TMEM132B: variants seen among roughly 807,000 people sequenced by gnomAD.
TMEM132B encodes transmembrane protein 132B.
Under a neutral mutation model 90.8 loss-of-function variants are expected in TMEM132B, and 18 were observed. The ratio of observed to expected loss-of-function variants is 0.20; its 90% CI spans 0.14 to 0.29. TMEM132B has a LOEUF of 0.29. TMEM132B is among the 10% of genes least tolerant of loss of function. The pLI is 1.00. For missense variants in TMEM132B, 1,096 were observed against 1,326.8 expected (o/e 0.83, Z 2.70); for synonymous variants, 504 against 523.3 (o/e 0.96, Z 0.50).
At chr12:125,438,934 T>C (rs1006119347) in intron 3 of TMEM132B, among the ~76,000 whole-genome samples, 7 of 152,228 alleles carry the variant, frequency 4.6e-5, no homozygotes, top group Non-Finnish European at 1.0e-4. Context: ...TATTCCATGA[T>C]ACAGACATTC....
At chr12:125,220,753 A>G (rs1368461740) in intron 1 of TMEM132B, among the ~76,000 whole-genome samples, 1 of 152,174 alleles carries the variant, frequency 6.6e-6, no homozygotes, top group African/African-American at 2.4e-5. Context: ...TGTTTCCCAG[A>G]TCGTAGGAGC....
chr12:125,286,892 G>A (rs1875372183), intron 1 of TMEM132B, among the ~76,000 whole-genome samples: 1 of 152,046 alleles, frequency 6.6e-6, no homozygotes, highest in South Asian at 2.1e-4. Context: ...TAGTAGAGAC[G>A]AGGTTTCACC....
intron 1 of TMEM132B, among the ~76,000 whole-genome samples, chr12:125,334,817 ATT>A (rs1876903312): frequency 6.6e-6 from 1 of 152,258 alleles, no homozygotes; most frequent in East Asian, 1.9e-4. Flanking sequence ...CGACCGTCTC[ATT>A]AGACTTCACT....
chr12:125,294,438 A>G (rs779404196), intron 1 of TMEM132B, among the ~76,000 whole-genome samples: 40 of 152,288 alleles, frequency 2.6e-4, no homozygotes, highest in Non-Finnish European at 4.0e-4. Context: ...TGGATTAAAC[A>G]TTATGCATGG....
chr12:125,542,637 T>G (rs1592983995), intron 4 of TMEM132B, among the ~76,000 whole-genome samples: 1 of 152,218 alleles, frequency 6.6e-6, no homozygotes, highest in African/African-American at 2.4e-5. Context: ...TCAAGGCTCA[T>G]CCATGTAGCA....
rs1873266662 is a variant in TMEM132B at position 125,209,419 on chromosome 12, A to G, written c.67+22553A>G. ...CAGCAGAGTGGCTGGTCACTGGGACAGTGCTCGACTGGGGGAAGGGGTTTG... is the reference window on the plus strand; with the variant it reads ...CAGCAGAGTGGCTGGTCACTGGGACGGTGCTCGACTGGGGGAAGGGGTTTG... On this transcript the variant is annotated intron_variant, in intron 1 of 8. Transcript: ENST00000682704. This position sits in a 1 kb window ranked among gnomAD's most constrained non-coding sequence, Gnocchi z 4.4. Among the ~76,000 whole-genome samples, 1 of 152,202 alleles carries G rather than the reference A, an allele frequency of 6.6e-6. No homozygotes were observed. Among genetic ancestry groups the G allele is most frequent in the Non-Finnish European group, 1.5e-5 (1 of 68,026 alleles).
At chr12:125,307,485 G>A (rs547535894) in intron 1 of TMEM132B, among the ~76,000 whole-genome samples, 4 of 152,202 alleles carry the variant, frequency 2.6e-5, no homozygotes, top group South Asian at 4.2e-4. Flanking sequence ...TCTTAGGACC[G>A]TTGTTGGATT....
At chr12:125,345,532 T>G (rs899754245) in intron 1 of TMEM132B, among the ~76,000 whole-genome samples, 1 of 152,184 alleles carries the variant, frequency 6.6e-6, no homozygotes, top group Non-Finnish European at 1.5e-5. Flanking sequence ...TGTGAGTTGC[T>G]TCATTCTAGG....
chr12:125,193,550 C>G (rs7132026), intron 1 of TMEM132B, among the ~76,000 whole-genome samples: 1 of 152,044 alleles, frequency 6.6e-6, no homozygotes, highest in Non-Finnish European at 1.5e-5. Context: ...AGTGACTGTG[C>G]GATCCAGGAA....
chr12:125,284,988 C>G (rs1410961078), intron 1 of TMEM132B, among the ~76,000 whole-genome samples: 1 of 152,194 alleles, frequency 6.6e-6, no homozygotes, highest in Admixed American at 6.5e-5. Flanking sequence ...AAAACACACC[C>G]AAATCCTGGC....
At chr12:125,648,119 G>A (rs1340406488) in intron 6 of TMEM132B, among the ~76,000 whole-genome samples, 1 of 133,110 alleles carries the variant, frequency 7.5e-6, no homozygotes, top group African/African-American at 2.9e-5. Flanking sequence ...TGATCTCATT[G>A]TTCAATTCCC....
chr12:125,548,108 C>G (rs1315456233), intron 4 of TMEM132B, among the ~76,000 whole-genome samples: 3 of 152,152 alleles, frequency 2.0e-5, no homozygotes, highest in African/African-American at 7.2e-5. Flanking sequence ...AGGTCTGCCC[C>G]CACCAAAGGC....
chr12:125,289,741 C>T (rs1414686176), intron 1 of TMEM132B, among the ~76,000 whole-genome samples: 1 of 152,218 alleles, frequency 6.6e-6, no homozygotes, highest in Admixed American at 6.5e-5. Context: ...CATCAAGTCA[C>T]TTGACTGAGG....
chr12:125,275,501 C>A (rs1173393535), intron 1 of TMEM132B, among the ~76,000 whole-genome samples: 2 of 152,140 alleles, frequency 1.3e-5, no homozygotes, highest in African/African-American at 4.8e-5. Flanking sequence ...TGAGAGTGAT[C>A]TGATGTGGCT....
chr12:125,394,312 G>A (rs1193036350), intron 2 of TMEM132B, among the ~76,000 whole-genome samples: 1 of 152,186 alleles, frequency 6.6e-6, no homozygotes, highest in Non-Finnish European at 1.5e-5. Flanking sequence ...GACAGATTTT[G>A]GACTTCTTCT....
chr12:125,604,957 A>C (rs917326012), intron 5 of TMEM132B, among the ~76,000 whole-genome samples: 3 of 152,214 alleles, frequency 2.0e-5, no homozygotes, highest in African/African-American at 7.2e-5. Flanking sequence ...TGCACAAGGA[A>C]AGAAAGTTTG....
At position 125,432,491 on chromosome 12, in the gene TMEM132B, G is replaced by GCA. The variant is rs781773376; in HGVS notation, c.1106+16814_1106+16815insCA. Among the ~76,000 whole-genome samples, 14 of 59,576 alleles carry GCA rather than the reference G, an allele frequency of 2.3e-4. 2 individuals carry two copies. Among genetic ancestry groups the GCA allele is most frequent in the African/African-American group, 1.5e-3 (10 of 6,806 alleles). The allele number at this position is 59,576 out of a possible 152,430, so 39.1% of individuals were successfully genotyped here. A position where few individuals can be genotyped will look rare whatever the true frequency, so the allele number is the denominator to read the frequency against. ...TATATGTATGTGTATATATATGTAT[G>GCA]TGTATATATATGTGTGTGTGTATAT... On this transcript the variant is annotated intron_variant, in intron 3 of 8. Transcript: ENST00000682704.
At chr12:125,403,259 G>A (rs1879369382) in intron 2 of TMEM132B, among the ~76,000 whole-genome samples, 1 of 152,150 alleles carries the variant, frequency 6.6e-6, no homozygotes, top group Non-Finnish European at 1.5e-5. Flanking sequence ...TCTACTTTCA[G>A]AGTTCTTTCC....
intron 1 of TMEM132B, among the ~76,000 whole-genome samples, chr12:125,275,989 A>G (rs1433900290): frequency 2.0e-5 from 3 of 152,086 alleles, no homozygotes; most frequent in Non-Finnish European, 4.4e-5. Flanking sequence ...GCTGGGATTA[A>G]AGGTGTGAGC....
Sources: gnomAD v4.1 joint callset for allele counts (sites outside exome capture counted in the v4.1 genomes callset) on GRCh38, gnomAD v4.1.1 for gene constraint, Gnocchi (gnomAD v3.1) non-coding constraint, MANE v1.5 for transcripts, NCBI Gene and HGNC (gene_info 2026-07-23, HGNC 2026-07-21) for gene names.